KIAA1549L: variants seen among roughly 807,000 people sequenced by gnomAD.
KIAA1549L encodes KIAA1549 like.
KIAA1549L carries 88 observed loss-of-function variants against 160.7 expected under a neutral mutation model. That is an observed-to-expected ratio of 0.55 (90% CI 0.46 to 0.65). The LOEUF (loss-of-function observed/expected upper bound fraction) is 0.65, where lower values mean the gene tolerates loss of function less well. Among genes scored for constraint, KIAA1549L ranks in the 30% least tolerant of loss-of-function variants. The pLI, the probability that KIAA1549L is intolerant of heterozygous loss-of-function variation, is 0.00. For synonymous variants in KIAA1549L, 950 were observed against 976.7 expected, an observed-to-expected ratio of 0.97 and a Z score of 0.51; for missense variants, 2,258 against 2,437.5, an observed-to-expected ratio of 0.93 and a Z score of 1.55.
chr11:33,435,784 A>ATG (rs1180781136), intron 1 of KIAA1549L, among the ~76,000 whole-genome samples: 3 of 20,654 alleles, frequency 1.5e-4, no homozygotes, highest in African/African-American at 9.2e-4. Context: ...ATATATATAT[A>ATG]TATATATATA....
At chr11:33,487,375 T>C (rs1417321539) in intron 1 of KIAA1549L, among the ~76,000 whole-genome samples, 1 of 148,560 alleles carries the variant, frequency 6.7e-6, no homozygotes, top group Non-Finnish European at 1.5e-5. Flanking sequence ...TGATGAGCCC[T>C]GGAGGCAGGG....
chr11:33,538,708 G>C (rs1474609895), intron 1 of KIAA1549L, among the ~76,000 whole-genome samples: 1 of 152,120 alleles, frequency 6.6e-6, no homozygotes, highest in Non-Finnish European at 1.5e-5. Flanking sequence ...AGGCACATGA[G>C]TGTTGATTTC....
chr11:33,401,388 A>G (rs924051398), intron 1 of KIAA1549L, among the ~76,000 whole-genome samples: 2 of 150,096 alleles, frequency 1.3e-5, no homozygotes, highest in African/African-American at 4.9e-5. Context: ...TTTATATATT[A>G]TATCTATTCA....
chr11:33,407,835 G>C (rs1408922216), intron 1 of KIAA1549L, among the ~76,000 whole-genome samples: 3 of 152,130 alleles, frequency 2.0e-5, no homozygotes, highest in Non-Finnish European at 4.4e-5. Context: ...AAATCCCCCA[G>C]CCTTCTGCGC....
chr11:33,535,972 TTTAA>T (rs1853884624), intron 1 of KIAA1549L, among the ~76,000 whole-genome samples: 2 of 152,254 alleles, frequency 1.3e-5, no homozygotes, highest in Admixed American at 6.5e-5. Context: ...ATAATGCAAC[TTTAA>T]TTAATACAGA....
intron 17 of KIAA1549L, among the ~76,000 whole-genome samples, chr11:33,652,367 T>C (rs561461526): frequency 3.3e-4 from 50 of 152,240 alleles, no homozygotes; most frequent in Non-Finnish European, 6.5e-4. Context: ...GCCCCCTCTG[T>C]GTTTTGTGTG....
chr11:33,620,096 A>G (rs959552202), intron 16 of KIAA1549L, among the ~76,000 whole-genome samples: 3 of 152,216 alleles, frequency 2.0e-5, no homozygotes, highest in East Asian at 1.9e-4. Context: ...AGGTTTCCCT[A>G]ATAACCTTAA....
rs562422321 is a variant in KIAA1549L at position 33,488,517 on chromosome 11, A to G, written c.239-53285A>G. ...CTAGCATTGATTAATTGCTTTCCAC[A>G]TATCAGATGCTGTTTTAGGAGCCTT... is the stretch of plus-strand genomic sequence containing the variant. On this transcript the variant is annotated intron_variant, in intron 1 of 20. Transcript: ENST00000658780. Among the ~76,000 whole-genome samples the G allele has an allele frequency of 1.8e-4, 27 of 152,330 alleles. No individual in the cohort carries two copies. In the South Asian group the frequency reaches 5.0e-3, roughly 28 times the overall value.
In KIAA1549L at chr11:33,497,600, A is replaced by G. The variant is rs1175041674; in HGVS notation, c.239-44202A>G. Among the ~76,000 whole-genome samples, 3 of 152,220 alleles carry G rather than the reference A, an allele frequency of 2.0e-5. No individual in the cohort carries two copies. The East Asian group carries it at 5.8e-4, about 29-fold the overall frequency. ...TTTATTTATTTGGTTCTTTTTTAGT[A>G]TATCTGGAAGGATGGAGGGTTGCAA... On this transcript the variant is annotated intron_variant, in intron 1 of 20. Transcript: ENST00000658780.
intron 1 of KIAA1549L, among the ~76,000 whole-genome samples, chr11:33,391,976 C>A (rs1471923323): frequency 6.6e-6 from 1 of 152,180 alleles, no homozygotes; most frequent in Admixed American, 6.5e-5. Flanking sequence ...TATGAGACAG[C>A]TATTATTGTG....
intron 8 of KIAA1549L, among the ~76,000 whole-genome samples, chr11:33,566,208 C>T (rs975167907): frequency 6.6e-6 from 1 of 152,150 alleles, no homozygotes; most frequent in African/African-American, 2.4e-5. Flanking sequence ...TTTGAAGCAT[C>T]ACCGAGATTC....
At chr11:33,565,536 C>T (rs1451035576) in intron 8 of KIAA1549L, among the ~76,000 whole-genome samples, 1 of 152,088 alleles carries the variant, frequency 6.6e-6, no homozygotes, top group African/African-American at 2.4e-5. Context: ...GAAGGGGAAG[C>T]CAGGAGGCAA....
At chr11:33,458,951 C>G (rs1223423016) in intron 1 of KIAA1549L, among the ~76,000 whole-genome samples, 2 of 152,184 alleles carry the variant, frequency 1.3e-5, no homozygotes, top group Non-Finnish European at 2.9e-5. Flanking sequence ...TTTGAAAGTG[C>G]CAGCTGGGAT....
rs764745952 is a variant in KIAA1549L, at chr11:33,609,942, C to T, written c.5255C>T (p.Ala1752Val). ...HVLDPDSELC[A>V]PFTESKNRQQ... Reference sequence around the variant, plus strand: ...TTGGATCCAGATTCAGAACTCTGTGCTCCATTCACCGAGTCTAAAAACAGG... The same window carrying T: ...TTGGATCCAGATTCAGAACTCTGTGTTCCATTCACCGAGTCTAAAAACAGG... The change falls in exon 15 of 21, where the codon GCT becomes GTT. Residue 1752 changes from alanine (A) to valine (V), a missense_variant. By Grantham distance (64) the Ala-to-Val change is moderately conservative (BLOSUM62 0). Around this residue, in one of 6 missense-constraint regions of KIAA1549L, gnomAD observed 1,359 missense variants for 1,546.6 expected, o/e 0.88. Coordinates refer to ENST00000658780, the MANE Select transcript of KIAA1549L (RefSeq NM_012194.3). 2 of 1,613,634 alleles carry T rather than the reference C, an allele frequency of 1.2e-6. No homozygotes were observed. Among genetic ancestry groups the T allele is most frequent in the African/African-American group, 1.3e-5 (1 of 74,900 alleles).
At chr11:33,625,838 T>C (rs1851095955) in intron 16 of KIAA1549L, among the ~76,000 whole-genome samples, 2 of 152,298 alleles carry the variant, frequency 1.3e-5, no homozygotes, top group Non-Finnish European at 2.9e-5. Flanking sequence ...CTTGCCCATG[T>C]CTATGTCTTG....
intron 1 of KIAA1549L, among the ~76,000 whole-genome samples, chr11:33,406,001 G>T (rs1850642612): frequency 6.6e-6 from 1 of 152,082 alleles, no homozygotes; most frequent in African/African-American, 2.4e-5. Flanking sequence ...TCCAAGTAAG[G>T]CCATTCATTA....
chr11:33,618,903 T>A (rs1850891369), intron 16 of KIAA1549L, among the ~76,000 whole-genome samples: 1 of 152,258 alleles, frequency 6.6e-6, no homozygotes. Flanking sequence ...AATAGCACAT[T>A]ACGGACTTTA....
intron 16 of KIAA1549L, among the ~76,000 whole-genome samples, chr11:33,627,338 G>GT (rs1036061899): frequency 3.3e-5 from 5 of 150,210 alleles, no homozygotes; most frequent in Non-Finnish European, 5.9e-5. Flanking sequence ...AATGGTACCA[G>GT]TTCCTCCTTG....
intron 1 of KIAA1549L, among the ~76,000 whole-genome samples, chr11:33,381,257 T>A (rs1285127116): frequency 6.6e-6 from 1 of 152,068 alleles, no homozygotes; most frequent in Non-Finnish European, 1.5e-5. Context: ...GTAGGTCGGG[T>A]GATGGTAAGC....
Sources: allele counts gnomAD v4.1 joint callset (sites outside exome capture counted in the v4.1 genomes callset), GRCh38; gene constraint gnomAD v4.1.1; regional missense constraint gnomAD v4.1.1; transcripts MANE v1.5; gene names NCBI Gene and HGNC (gene_info 2026-07-23, HGNC 2026-07-21).